The following ALG9 variants were observed in gnomAD, a reference collection of about 807,000 sequenced individuals.
ALG9 encodes alpha-1,2-mannosyltransferase ALG9.
Under a neutral mutation model 81.8 loss-of-function variants are expected in ALG9, and 55 were observed. The observed-to-expected ratio is 0.67, with a 90% CI of 0.54 to 0.84. The LOEUF (loss-of-function observed/expected upper bound fraction) is 0.84, where lower values mean the gene tolerates loss of function less well. Ranked by LOEUF, ALG9 falls within the 40% of genes least tolerant of loss-of-function variation. The probability of loss-of-function intolerance (pLI) is 0.00; values close to 1 mark genes in which losing one functional copy is unlikely to be tolerated. For missense variants in ALG9, 629 were observed against 745.0 expected (o/e 0.84, Z 1.81); for synonymous variants, 278 against 274.3 (o/e 1.01, Z -0.13).
chr11:111,789,593 G>C (rs1947061476), intron 14 of ALG9, among the ~76,000 whole-genome samples: 1 of 151,468 alleles, frequency 6.6e-6, no homozygotes, highest in Non-Finnish European at 1.5e-5. Context: ...TGTAATCCCA[G>C]CACTTTGGGA....
At chr11:111,869,311 A>AC (rs1437279038) in intron 2 of ALG9, among the ~76,000 whole-genome samples, 1 of 152,150 alleles carries the variant, frequency 6.6e-6, no homozygotes, top group African/African-American at 2.4e-5. Flanking sequence ...GTCTTCCTTC[A>AC]TTTTTTTAAT....
chr11:111,815,377 C>G (rs1951328891), intron 13 of ALG9, among the ~76,000 whole-genome samples: 1 of 151,940 alleles, frequency 6.6e-6, no homozygotes, highest in Non-Finnish European at 1.5e-5. Flanking sequence ...CACTCCAGCC[C>G]AGGAAACAGA....
At chr11:111,813,446 A>T (rs1228814725) in intron 13 of ALG9, among the ~76,000 whole-genome samples, 2 of 152,140 alleles carry the variant, frequency 1.3e-5, no homozygotes, top group East Asian at 1.9e-4. Context: ...TACAAAAAAT[A>T]AAAAAATTAG....
intron 1 of ALG9, 44 bp downstream of exon 1, chr11:111,871,308 C>G (rs1401495539): frequency 1.4e-6 from 2 of 1,382,934 alleles, no homozygotes; most frequent in Non-Finnish European, 9.3e-7. Context: ...CAGCCCCGAA[C>G]CGCCCCGCCG....
At chr11:111,803,473 C>A (rs1555082194) in intron 14 of ALG9, among the ~76,000 whole-genome samples, 1 of 146,470 alleles carries the variant, frequency 6.8e-6, no homozygotes, top group Non-Finnish European at 1.5e-5. Context: ...TGCACTCCAA[C>A]CTGGGTGACA....
chr11:111,839,978 G>A (rs1241328005), intron 10 of ALG9, among the ~76,000 whole-genome samples: 1 of 152,088 alleles, frequency 6.6e-6, no homozygotes, highest in Non-Finnish European at 1.5e-5. Flanking sequence ...ATAGCTAAAG[G>A]GTACAGGGTT....
the ALG9 span, among the ~76,000 whole-genome samples, chr11:111,776,783 G>C: frequency 2.0e-5 from 3 of 152,090 alleles, no homozygotes; most frequent in Non-Finnish European, 4.4e-5. Flanking sequence ...CCCAAATCTG[G>C]TCTAGGTGGT....
In ALG9 at chr11:111,820,736, G is replaced by A. The variant is rs373223668; in HGVS notation, c.1603-10963C>T. Reference sequence around the variant, plus strand: ...TCCAGAACTTTCTGCATGTAAAGAAGTTCTAAGATGTTTTTTGACTCCATT... The same window carrying A: ...TCCAGAACTTTCTGCATGTAAAGAAATTCTAAGATGTTTTTTGACTCCATT... On this transcript the variant is annotated intron_variant, in intron 13 of 14. Transcript: ENST00000616540. Among the ~76,000 whole-genome samples the A allele has an allele frequency of 8.9e-4, 135 of 152,252 alleles. No homozygotes were observed. The South Asian group carries it at 0.026, about 30-fold the overall frequency.
chr11:111,843,536 T>A lies in ALG9; in HGVS notation c.1018+1065A>T, dbSNP rs111987781. ...TATTCTTATAATACAACGAACTCAT[T>A]ATAAACCATTAATAGTAGAAAAGCA... On this transcript the variant is annotated intron_variant, in intron 9 of 14. Coordinates refer to ENST00000616540, the MANE Select transcript of ALG9 (RefSeq NM_024740.2). Among the ~76,000 whole-genome samples, 978 of 152,222 alleles carry A rather than the reference T, an allele frequency of 6.4e-3. 10 individuals are homozygous for A. Among genetic ancestry groups the A allele is most frequent in the African/African-American group, 0.022 (912 of 41,522 alleles).
intron 13 of ALG9, 97 bp from the exon 14 acceptor site, chr11:111,809,870 G>A (rs1246217071): frequency 1.4e-6 from 2 of 1,398,478 alleles, no homozygotes; most frequent in African/African-American, 2.8e-5. Flanking sequence ...CAGAGCTTTG[G>A]AGGAACAAAC....
intron 13 of ALG9, among the ~76,000 whole-genome samples, chr11:111,827,287 A>G (rs1953492461): frequency 6.6e-6 from 1 of 151,856 alleles, no homozygotes; most frequent in Non-Finnish European, 1.5e-5. Flanking sequence ...GACCAGCATG[A>G]CCAACATGGA....
In ALG9 at chr11:111,853,666, C is replaced by T. The variant is rs1369006849; in HGVS notation, c.772G>A (p.Ala258Thr). ...AAACTCACCAGAAATAGTATGAGGGCCATCAGCGACCAATGAAAGAAACTC... is the reference window on the plus strand; with the variant it reads ...AAACTCACCAGAAATAGTATGAGGGTCATCAGCGACCAATGAAAGAAACTC... ...WKSFFHWSLM[A>T]LILFLVPVVV... Residue 258 changes from alanine to threonine, a missense_variant, in exon 7 of 15, where the codon GCC becomes ACC. By Grantham distance (58) the Ala-to-Thr change is moderately conservative. Coordinates refer to ENST00000616540, the MANE Select transcript of ALG9 (RefSeq NM_024740.2). 1 of 1,613,946 alleles carries T rather than the reference C, an allele frequency of 6.2e-7. No individual in the cohort carries two copies. The highest frequency in any genetic ancestry group is 8.5e-7 in the Non-Finnish European group (1 of 1,179,990).
intron 14 of ALG9, among the ~76,000 whole-genome samples, chr11:111,793,233 TG>T (rs1947701503): frequency 6.6e-6 from 1 of 152,168 alleles, no homozygotes; most frequent in Non-Finnish European, 1.5e-5. Context: ...CCTCCCACCT[TG>T]GCCTCCCAAA....
chr11:111,791,039 C>A (rs1378955989), intron 14 of ALG9, among the ~76,000 whole-genome samples: 1 of 152,098 alleles, frequency 6.6e-6, no homozygotes, highest in East Asian at 1.9e-4. Flanking sequence ...TTAAAAATTT[C>A]AAATATATAT....
Position 111,785,894 on chromosome 11 carries a change from T to TG in ALG9, c.*502dup, listed in dbSNP as rs1427696280. 13 of 383,528 alleles carry TG rather than the reference T, an allele frequency of 3.4e-5. No homozygotes were observed. The highest frequency in any genetic ancestry group is 7.5e-4 in the Middle Eastern group (1 of 1,336). The allele number at this position is 383,528 out of a possible 1,614,324, so 23.8% of individuals were successfully genotyped here. ...AGGACATGTGGGTTGGCAACTAGGC[T>TG]GTGTTCATTTTCAGCATGAGGATTT... On this transcript the variant is annotated 3_prime_UTR_variant, in exon 15 of 15. Transcript: ENST00000616540.
At chr11:111,804,219 AC>A in intron 14 of ALG9, among the ~76,000 whole-genome samples, 1 of 152,082 alleles carries the variant, frequency 6.6e-6, no homozygotes, top group Middle Eastern at 3.4e-3. Flanking sequence ...ATCTAAATGA[AC>A]TCGGGTTTGG....
intron 14 of ALG9, among the ~76,000 whole-genome samples, chr11:111,787,274 T>C (rs895356557): frequency 2.0e-5 from 3 of 151,292 alleles, no homozygotes; most frequent in African/African-American, 7.3e-5. Flanking sequence ...CTATTAAAAA[T>C]ACAAAAAAAT....
chr11:111,865,994 C>T (rs1381016268), intron 3 of ALG9, among the ~76,000 whole-genome samples: 4 of 152,056 alleles, frequency 2.6e-5, no homozygotes, highest in South Asian at 4.1e-4. Context: ...TTAAACACTA[C>T]TTAATATATA....
Position 111,786,435 on chromosome 11 carries a change from G to C in ALG9, c.1819C>G (p.Arg607Gly). Residue 607 changes from arginine to glycine, a missense_variant, in exon 15 of 15, where the codon CGG becomes GGG. This residue lies in a region of ALG9 where 264 missense variants were observed against 302.2 expected (regional missense o/e 0.87). Coordinates refer to ENST00000616540, the MANE Select transcript of ALG9 (RefSeq NM_024740.2). The stretch of plus-strand genomic sequence containing the variant: ...TTCTTCCTGATTTGCTTTGCTTTCC[G>C]GGGTTTGAGGATGGTGTAGTTTACG... Reference protein sequence around the residue: ...VYVNYTILKPRKAKQIRKKSG... With the variant: ...VYVNYTILKPGKAKQIRKKSG... The C allele has an allele frequency of 6.2e-7, 1 of 1,614,052 alleles. No homozygotes were observed. The highest frequency in any genetic ancestry group is 8.5e-7 in the Non-Finnish European group (1 of 1,180,014).
Sources: allele counts gnomAD v4.1 joint callset (sites outside exome capture counted in the v4.1 genomes callset), GRCh38; gene constraint gnomAD v4.1.1; regional missense constraint gnomAD v4.1.1; transcripts MANE v1.5; gene names NCBI Gene and HGNC (gene_info 2026-07-23, HGNC 2026-07-21).